The following FMO1 variants were observed in gnomAD, a reference collection of about 807,000 sequenced individuals.
FMO1 encodes the protein flavin containing dimethylaniline monoxygenase 1.
FMO1 carries 36 observed loss-of-function variants against 45.4 expected under a neutral mutation model. That is an observed-to-expected ratio of 0.79 (90% CI 0.61 to 1.05). The LOEUF is 1.05. Ranked by LOEUF, FMO1 falls within the 50% of genes least tolerant of loss-of-function variation. FMO1 has a pLI of 0.00. For missense variants in FMO1, 615 were observed against 640.3 expected (o/e 0.96, Z 0.43); for synonymous variants, 228 against 227.2 (o/e 1.00, Z -0.03).
At chr1:171,259,463 C>T (rs988965150) in intron 2 of FMO1, among the ~76,000 whole-genome samples, 5 of 152,206 alleles carry the variant, frequency 3.3e-5, no homozygotes, top group Admixed American at 2.0e-4. Flanking sequence ...AAAATCTCCC[C>T]ACTCCCATGT....
chr1:171,249,941 C>T (rs1159843887), intron 1 of FMO1, among the ~76,000 whole-genome samples: 1 of 152,072 alleles, frequency 6.6e-6, no homozygotes, highest in Admixed American at 6.6e-5. Flanking sequence ...ATAAAATAAA[C>T]TCGGAAAATA....
Position 171,282,270 on chromosome 1 carries a change from C to G in FMO1, c.1120C>G (p.Pro374Ala). The G allele has an allele frequency of 6.2e-7, 1 of 1,613,920 alleles. No homozygotes were observed. Among genetic ancestry groups the G allele is most frequent in the Non-Finnish European group, 8.5e-7 (1 of 1,179,896 alleles). Reference sequence around the variant, plus strand: ...CCTGGCCATTATTGGCCTCATCAAACCCTTGGGCTCCATGATACCTACAGG... The same window carrying G: ...CCTGGCCATTATTGGCCTCATCAAAGCCTTGGGCTCCATGATACCTACAGG... ...PTLAIIGLIKPLGSMIPTGET... is the reference protein window; with the variant it reads ...PTLAIIGLIKALGSMIPTGET... Residue 374 changes from proline to alanine, a missense_variant, in exon 7 of 9, where the codon CCC becomes GCC. Physicochemically the swap from Pro to Ala is conservative, Grantham distance 27. Coordinates refer to ENST00000617670, the MANE Select transcript of FMO1 (RefSeq NM_001282693.2).
In FMO1 at chr1:171,265,732, A is replaced by C. The variant is rs529383115; in HGVS notation, c.133-1811A>C. On this transcript the variant is annotated intron_variant, in intron 2 of 8. Coordinates refer to ENST00000617670, the MANE Select transcript of FMO1 (RefSeq NM_001282693.2). ...TACACATTTTTTTATATTACTATTT[A>C]AGGTTTTTAATATGACAATTAATCT... Among the ~76,000 whole-genome samples, 4 of 152,344 alleles carry C rather than the reference A, an allele frequency of 2.6e-5. No homozygotes were observed. The East Asian group carries it at 7.7e-4, about 29-fold the overall frequency.
intron 1 of FMO1, among the ~76,000 whole-genome samples, chr1:171,250,718 G>GT (rs1219584066): frequency 6.6e-5 from 10 of 152,018 alleles, no homozygotes; most frequent in South Asian, 4.2e-4. Flanking sequence ...TATTTTACTT[G>GT]TTTTTTTCAC....
intron 2 of FMO1, among the ~76,000 whole-genome samples, chr1:171,261,447 G>T (rs1660375075): frequency 6.6e-6 from 1 of 152,198 alleles, no homozygotes; most frequent in African/African-American, 2.4e-5. Flanking sequence ...AAAGTGTTCA[G>T]AAGGGAATTC....
chr1:171,283,614 C>T (rs765955019), intron 8 of FMO1, among the ~76,000 whole-genome samples: 5 of 152,166 alleles, frequency 3.3e-5, no homozygotes, highest in Non-Finnish European at 4.4e-5. Context: ...AGTGTCTGCT[C>T]ATTCATTCAC....
intron 3 of FMO1, chr1:171,270,981 T>C: frequency 1.1e-6 from 1 of 894,758 alleles, no homozygotes; most frequent in East Asian, 2.6e-5. Context: ...CTTCATCTTC[T>C]TCATCTACCT....
At chr1:171,285,178 T>C (rs781153444) in intron 8 of FMO1, 24 bp from the exon 9 acceptor site, 3 of 1,472,584 alleles carry the variant, frequency 2.0e-6, no homozygotes, top group Non-Finnish European at 2.8e-6. Flanking sequence ...CTTCACCTTT[T>C]CCCCCAATCT....
In FMO1 at chr1:171,285,425, C is replaced by A; in HGVS notation, c.1480C>A (p.Arg494=). 2.5e-6 allele frequency: 4 copies of A among 1,609,816 alleles called. No homozygotes were observed. The highest frequency in any genetic ancestry group is 3.4e-6 in the Non-Finnish European group (4 of 1,178,176). ...ARNAIMTQWD[R]TFKVIKARVV... is the part of the protein sequence containing the mutation. ...AAATGCCATCATGACCCAGTGGGAC[C>A]GAACATTCAAGGTCATCAAAGCTCG... The change falls in exon 9 of 9, where the codon CGA becomes AGA. Residue 494 remains arginine, a synonymous_variant. Transcript: ENST00000617670.
At chr1:171,262,661 T>C (rs993611211) in intron 2 of FMO1, among the ~76,000 whole-genome samples, 2 of 152,226 alleles carry the variant, frequency 1.3e-5, no homozygotes, top group Non-Finnish European at 2.9e-5. Context: ...GTTTGGTAAA[T>C]CTGATTCCTG....
intron 2 of FMO1, among the ~76,000 whole-genome samples, chr1:171,261,980 C>T (rs1660398120): frequency 6.6e-6 from 1 of 152,184 alleles, no homozygotes; most frequent in Non-Finnish European, 1.5e-5. Context: ...GTGTGAAACA[C>T]TTCTCAGACT....
intron 1 of FMO1, among the ~76,000 whole-genome samples, chr1:171,256,186 T>C (rs745508942): frequency 7.0e-6 from 1 of 142,036 alleles, no homozygotes; most frequent in Non-Finnish European, 1.5e-5. Context: ...GGCAGGAGAA[T>C]GGTGTGAACC....
At chr1:171,278,310 C>T (rs1050730967) in intron 4 of FMO1, among the ~76,000 whole-genome samples, 2 of 152,192 alleles carry the variant, frequency 1.3e-5, no homozygotes, top group African/African-American at 4.8e-5. Context: ...AAAAAGTTTT[C>T]TGAAAAGAGA....
chr1:171,281,900 G>A (rs544996046), intron 6 of FMO1, 78 bp from the exon 7 acceptor site: 4 of 772,600 alleles, frequency 5.2e-6, no homozygotes, highest in South Asian at 3.6e-5. Context: ...CCCAGAATGA[G>A]AGAGGGAGGT....
intron 1 of FMO1, among the ~76,000 whole-genome samples, chr1:171,256,151 T>C (rs1017099980): frequency 2.6e-5 from 4 of 151,430 alleles, no homozygotes; most frequent in Non-Finnish European, 5.9e-5. Flanking sequence ...CGGGCGCCTG[T>C]AGTCCCAGCT....
intron 5 of FMO1, 36 bp from the exon 6 acceptor site, chr1:171,280,750 A>C: frequency 6.4e-7 from 1 of 1,571,138 alleles, no homozygotes; most frequent in East Asian, 2.2e-5. Context: ...CCGTGTTCAC[A>C]GTGTCAAATG....
intron 2 of FMO1, among the ~76,000 whole-genome samples, chr1:171,262,039 C>T (rs1279122757): frequency 3.3e-5 from 5 of 152,112 alleles, no homozygotes; most frequent in African/African-American, 7.2e-5. Flanking sequence ...GGTTGACTAT[C>T]GCCATTAAAA....
intron 3 of FMO1, chr1:171,270,687 A>G (rs1450979219): frequency 1.8e-5 from 19 of 1,061,694 alleles, no homozygotes; most frequent in Non-Finnish European, 2.2e-5. Flanking sequence ...CTGTGCACCA[A>G]CAAGAACATG....
At chr1:171,277,998 TG>T (rs1354550365) in intron 4 of FMO1, among the ~76,000 whole-genome samples, 1 of 152,212 alleles carries the variant, frequency 6.6e-6, no homozygotes, top group Non-Finnish European at 1.5e-5. Flanking sequence ...AAGTTATTGC[TG>T]TTAAAAAAGA....
Sources: allele counts gnomAD v4.1 joint callset (sites outside exome capture counted in the v4.1 genomes callset), GRCh38; gene constraint gnomAD v4.1.1; transcripts MANE v1.5; gene names NCBI Gene and HGNC (gene_info 2026-07-23, HGNC 2026-07-21).